The following FCHSD2 variants were observed in gnomAD, a reference collection of about 807,000 sequenced individuals.
The protein encoded by FCHSD2 is FCH and double SH3 domains 2.
A neutral mutation model predicts 108.1 loss-of-function variants in FCHSD2; 38 were observed. The ratio of observed to expected loss-of-function variants is 0.35; its 90% CI spans 0.27 to 0.46. FCHSD2 has a LOEUF of 0.46. Among genes scored for constraint, FCHSD2 ranks in the 20% least tolerant of loss-of-function variants. The pLI is 1.00. For missense variants in FCHSD2, 751 were observed against 897.8 expected, an observed-to-expected ratio of 0.84 and a Z score of 2.09; for synonymous variants, 279 against 314.7, an observed-to-expected ratio of 0.89 and a Z score of 1.20.
intron 3 of FCHSD2, among the ~76,000 whole-genome samples, chr11:73,020,729 T>C (rs1386208729): frequency 1.3e-5 from 2 of 151,990 alleles, no homozygotes; most frequent in African/African-American, 2.4e-5. Context: ...TACTTTTCCA[T>C]AATTTCATGA....
Position 72,870,129 on chromosome 11 carries a change from T to G in FCHSD2, c.1147-2103A>C, listed in dbSNP as rs570305770. Among the ~76,000 whole-genome samples, 3 of 152,206 alleles carry G rather than the reference T, an allele frequency of 2.0e-5. No homozygotes were observed. The South Asian group carries it at 6.2e-4, about 32-fold the overall frequency. ...TCATTGCTTTTTGATGCCTGGTGAG[T>G]GCTTATCTTTTGACGGTCCGTTCAA... is the stretch of plus-strand genomic sequence containing the variant. On this transcript the variant is annotated intron_variant, in intron 12 of 19. Transcript: ENST00000409418.
chr11:73,030,597 T>C (rs1376507976), intron 3 of FCHSD2, among the ~76,000 whole-genome samples: 3 of 152,164 alleles, frequency 2.0e-5, no homozygotes, highest in Non-Finnish European at 4.4e-5. Context: ...AAGATGGTGG[T>C]GGTCAATACT....
chr11:72,921,926 G>A lies in FCHSD2; in HGVS notation c.730C>T (p.His244Tyr), dbSNP rs1251964830. Residue 244 changes from histidine (H) to tyrosine (Y), a missense_variant, in exon 9 of 20, where the codon CAT (histidine) becomes TAT (tyrosine). Coordinates refer to ENST00000409418, the MANE Select transcript of FCHSD2 (RefSeq NM_014824.3). Reference protein sequence around the residue: ...MKALDGNVYDHLKDYLIAFSR... With the variant: ...MKALDGNVYDYLKDYLIAFSR... ...AAGGCTATTAAATAATCCTTGAGAT[G>A]ATCATACACATTTCCATCAAGAGCC... The A allele has an allele frequency of 1.3e-6, 2 of 1,595,144 alleles. No individual in the cohort carries two copies. The highest frequency in any genetic ancestry group is 1.7e-6 in the Non-Finnish European group (2 of 1,169,250).
intron 12 of FCHSD2, among the ~76,000 whole-genome samples, chr11:72,886,004 T>A (rs1855190172): frequency 6.6e-6 from 1 of 152,156 alleles, no homozygotes; most frequent in Admixed American, 6.5e-5. Flanking sequence ...ACCAAAAACA[T>A]GCTCATATTC....
intron 8 of FCHSD2, among the ~76,000 whole-genome samples, chr11:72,930,263 T>C (rs1856162378): frequency 6.6e-6 from 1 of 152,126 alleles, no homozygotes; most frequent in Non-Finnish European, 1.5e-5. Context: ...AACAATCTGT[T>C]GTGACTCTAA....
chr11:73,101,896 T>C (rs1860234565), intron 2 of FCHSD2, among the ~76,000 whole-genome samples: 1 of 152,126 alleles, frequency 6.6e-6, no homozygotes, highest in Non-Finnish European at 1.5e-5. Context: ...GAATATATTG[T>C]GTCTATGTAT....
At chr11:72,867,832 T>C in intron 13 of FCHSD2, 33 bp downstream of exon 13, 1 of 1,587,860 alleles carries the variant, frequency 6.3e-7, no homozygotes, top group Non-Finnish European at 8.6e-7. Context: ...TCAGTGAAAA[T>C]CAACTTGTCA....
intron 19 of FCHSD2, among the ~76,000 whole-genome samples, chr11:72,839,681 G>T (rs1402174894): frequency 1.3e-5 from 2 of 152,140 alleles, no homozygotes; most frequent in Admixed American, 1.3e-4. Context: ...ATGGGAGAAG[G>T]AACATGTCTG....
intron 8 of FCHSD2, among the ~76,000 whole-genome samples, chr11:72,973,315 C>T (rs1435738741): frequency 8.6e-5 from 13 of 150,926 alleles, no homozygotes; most frequent in Non-Finnish European, 1.3e-4. Context: ...TGTGGTGAGA[C>T]GAGATCGTGC....
At chr11:73,132,827 A>AC (rs1861034490) in intron 2 of FCHSD2, among the ~76,000 whole-genome samples, 1 of 151,526 alleles carries the variant, frequency 6.6e-6, no homozygotes, top group Admixed American at 6.6e-5. Flanking sequence ...GGTAACAGAA[A>AC]AAAAAAAAAA....
chr11:73,132,153 T>C (rs1374658357), intron 2 of FCHSD2, among the ~76,000 whole-genome samples: 1 of 152,236 alleles, frequency 6.6e-6, no homozygotes, highest in Non-Finnish European at 1.5e-5. Flanking sequence ...AGCCATAAGA[T>C]GCATCTTGAT....
chr11:72,889,162 CAT>C (rs1030622517), intron 11 of FCHSD2, among the ~76,000 whole-genome samples: 25 of 151,004 alleles, frequency 1.7e-4, no homozygotes, highest in Non-Finnish European at 3.1e-4. Context: ...CACCGTAACA[CAT>C]GTTAGCCAGG....
chr11:73,138,604 A>ATTTTTT (rs535753859), intron 2 of FCHSD2, among the ~76,000 whole-genome samples: 3 of 119,788 alleles, frequency 2.5e-5, no homozygotes, highest in African/African-American at 3.0e-5. Context: ...TTGCACAGGA[A>ATTTTTT]TTTTTTTTTT....
At chr11:72,881,710 G>A (rs1418113699) in intron 12 of FCHSD2, among the ~76,000 whole-genome samples, 1 of 152,166 alleles carries the variant, frequency 6.6e-6, no homozygotes, top group East Asian at 1.9e-4. Flanking sequence ...AAAAAAGAAT[G>A]AAATCCTGTC....
intron 8 of FCHSD2, among the ~76,000 whole-genome samples, chr11:72,973,294 G>T (rs1565348870): frequency 6.6e-6 from 1 of 151,946 alleles, no homozygotes; most frequent in East Asian, 1.9e-4. Context: ...TTGAACCCAG[G>T]AGGCAGAGGT....
intron 9 of FCHSD2, among the ~76,000 whole-genome samples, chr11:72,917,921 T>C (rs928455241): frequency 7.2e-5 from 11 of 152,028 alleles, no homozygotes; most frequent in Non-Finnish European, 4.4e-5. Context: ...AGGACCGGCT[T>C]TTCCATTTCT....
rs539462885 is a variant in FCHSD2 at position 73,050,580 on chromosome 11, C to T, written c.165+33115G>A. Reference sequence around the variant, plus strand: ...AAATAGACATAGGAACCCAGGCCCCCACAATGGTTTTTCAGTAACAGGTGA... The same window carrying T: ...AAATAGACATAGGAACCCAGGCCCCTACAATGGTTTTTCAGTAACAGGTGA... On this transcript the variant is annotated intron_variant, in intron 3 of 19. Coordinates refer to ENST00000409418, the MANE Select transcript of FCHSD2 (RefSeq NM_014824.3). Among the ~76,000 whole-genome samples the T allele has an allele frequency of 1.5e-4, 23 of 152,186 alleles. No homozygotes were observed. In the South Asian group the frequency reaches 4.6e-3, roughly 30 times the overall value.
At chr11:73,108,517 T>A (rs902097681) in intron 2 of FCHSD2, among the ~76,000 whole-genome samples, 11 of 152,114 alleles carry the variant, frequency 7.2e-5, no homozygotes, top group Admixed American at 5.9e-4. Context: ...ATGTTTTCTT[T>A]TAGCAGTTTC....
intron 3 of FCHSD2, among the ~76,000 whole-genome samples, chr11:73,028,546 T>C (rs749556858): frequency 5.9e-5 from 9 of 152,192 alleles, no homozygotes; most frequent in Non-Finnish European, 1.0e-4. Context: ...ACTTTGGCCT[T>C]GGACTTTTGG....
Sources: gnomAD v4.1 joint callset for allele counts (sites outside exome capture counted in the v4.1 genomes callset) on GRCh38, gnomAD v4.1.1 for gene constraint, MANE v1.5 for transcripts, NCBI Gene and HGNC (gene_info 2026-07-23, HGNC 2026-07-21) for gene names.